Variants in NLGN1 observed in about 807,000 individuals in gnomAD.
The protein encoded by NLGN1 is neuroligin 1, also known as neuroligin-1.
NLGN1 carries 12 observed loss-of-function variants against 65.5 expected under a neutral mutation model. The observed-to-expected ratio is 0.18, with a 90% CI of 0.12 to 0.30. The LOEUF is 0.30. Ranked by LOEUF, NLGN1 falls within the 10% of genes least tolerant of loss-of-function variation. The pLI, the probability that NLGN1 is intolerant of heterozygous loss-of-function variation, is 1.00. For missense variants in NLGN1, 750 were observed against 1,007.1 expected (o/e 0.74, Z 3.46); for synonymous variants, 350 against 359.5 (o/e 0.97, Z 0.30).
chr3:173,650,314 T>G (rs750840910), intron 3 of NLGN1, among the ~76,000 whole-genome samples: 1 of 152,184 alleles, frequency 6.6e-6, no homozygotes, highest in Non-Finnish European at 1.5e-5. Flanking sequence ...ATGAATAAAC[T>G]CTTGCATAGA....
At chr3:174,183,795 C>T (rs1170056821) in intron 4 of NLGN1, among the ~76,000 whole-genome samples, 5 of 152,266 alleles carry the variant, frequency 3.3e-5, no homozygotes, top group Non-Finnish European at 7.3e-5. Flanking sequence ...TGTGTTAATA[C>T]TCCTTCTTTT....
rs1729486806 is a variant in NLGN1, at chr3:174,029,436, G to T, written c.646+221604G>T. The stretch of plus-strand genomic sequence containing the variant: ...TGTTTTGGCCAATTTCTCCTATTTG[G>T]AATGGGTGTATTTACCCAATGCCTG... On this transcript the variant is annotated intron_variant, in intron 4 of 6. Coordinates refer to ENST00000457714, the Ensembl canonical transcript of NLGN1. Among the ~76,000 whole-genome samples, 4 of 152,174 alleles carry T rather than the reference G, an allele frequency of 2.6e-5. No homozygotes were observed. The South Asian group carries it at 8.3e-4, about 32-fold the overall frequency.
intron 4 of NLGN1, among the ~76,000 whole-genome samples, chr3:173,899,404 C>T (rs2152167226): frequency 6.6e-6 from 1 of 152,114 alleles, no homozygotes; most frequent in Admixed American, 6.6e-5. Context: ...TTTAATGAAA[C>T]TTTATCATTG....
At chr3:174,122,621 A>T (rs931890784) in intron 4 of NLGN1, among the ~76,000 whole-genome samples, 7 of 152,116 alleles carry the variant, frequency 4.6e-5, no homozygotes, top group African/African-American at 1.7e-4. Flanking sequence ...CAGCCTCATG[A>T]TCATCATGTG....
chr3:173,841,157 A>ATT (rs1553866865), intron 4 of NLGN1, among the ~76,000 whole-genome samples: 1 of 151,770 alleles, frequency 6.6e-6, no homozygotes, highest in African/African-American at 2.4e-5. Context: ...TTATATATAT[A>ATT]TATATCCCAA....
chr3:173,732,842 A>G (rs1347565205), intron 3 of NLGN1, among the ~76,000 whole-genome samples: 2 of 152,090 alleles, frequency 1.3e-5, no homozygotes, highest in Non-Finnish European at 2.9e-5. Context: ...AAAACATATC[A>G]GTTTATTTTT....
At chr3:173,489,803 T>A (rs949699107) in intron 2 of NLGN1, among the ~76,000 whole-genome samples, 4 of 151,906 alleles carry the variant, frequency 2.6e-5, no homozygotes, top group Non-Finnish European at 5.9e-5. Context: ...GGTATCTCAT[T>A]GTGGTTTTGT....
At chr3:173,875,979 A>G (rs1294673257) in intron 4 of NLGN1, among the ~76,000 whole-genome samples, 1 of 152,116 alleles carries the variant, frequency 6.6e-6, no homozygotes, top group Non-Finnish European at 1.5e-5. Flanking sequence ...AAAGCTTAAC[A>G]TGTGCCTTAA....
At chr3:173,428,795 A>G (rs1050057164) in intron 1 of NLGN1, among the ~76,000 whole-genome samples, 2 of 152,044 alleles carry the variant, frequency 1.3e-5, no homozygotes, top group African/African-American at 4.8e-5. Context: ...TTCATATTGA[A>G]TAACTCCCTT....
At chr3:174,149,808 A>G (rs1723997501) in intron 4 of NLGN1, among the ~76,000 whole-genome samples, 1 of 152,144 alleles carries the variant, frequency 6.6e-6, no homozygotes, top group African/African-American at 2.4e-5. Context: ...TAAGCACATC[A>G]CTGAGGTTGG....
At chr3:173,924,622 C>CAAAAAAA (rs538515565) in intron 4 of NLGN1, among the ~76,000 whole-genome samples, 1 of 128,676 alleles carries the variant, frequency 7.8e-6, no homozygotes, top group African/African-American at 2.9e-5. Context: ...AACCCTGTCT[C>CAAAAAAA]AAAAAAAAAA....
At chr3:173,895,760 G>A (rs893425998) in intron 4 of NLGN1, among the ~76,000 whole-genome samples, 2 of 151,646 alleles carry the variant, frequency 1.3e-5, no homozygotes, top group African/African-American at 2.4e-5. Flanking sequence ...GCATGATCTC[G>A]GCTCACTACA....
chr3:173,908,690 G>A (rs1738946084), intron 4 of NLGN1, among the ~76,000 whole-genome samples: 2 of 151,788 alleles, frequency 1.3e-5, no homozygotes, highest in African/African-American at 2.4e-5. Context: ...GCAAACTCAG[G>A]GGCAATTAAT....
intron 4 of NLGN1, among the ~76,000 whole-genome samples, chr3:173,962,807 A>C (rs548307021): frequency 1.3e-5 from 2 of 152,274 alleles, no homozygotes; most frequent in South Asian, 4.1e-4. Flanking sequence ...TAAAATTTTG[A>C]AAGTTGATGC....
intron 4 of NLGN1, among the ~76,000 whole-genome samples, chr3:174,254,306 ATTT>A (rs371427726): frequency 1.7e-4 from 19 of 113,774 alleles, no homozygotes; most frequent in South Asian, 6.4e-4. Flanking sequence ...GTCCTTTTTA[ATTT>A]TTTTTTTTTT....
intron 3 of NLGN1, among the ~76,000 whole-genome samples, chr3:173,759,082 C>T (rs977136959): frequency 6.6e-6 from 1 of 151,884 alleles, no homozygotes; most frequent in Non-Finnish European, 1.5e-5. Context: ...CCCTTTCTCA[C>T]CACCTTCTTT....
intron 4 of NLGN1, among the ~76,000 whole-genome samples, chr3:173,821,900 A>T (rs960765867): frequency 2.0e-5 from 3 of 152,188 alleles, no homozygotes; most frequent in Admixed American, 2.0e-4. Context: ...GAGCATATAC[A>T]ATAACATTAT....
chr3:173,842,191 A>G (rs2150681661), intron 4 of NLGN1, among the ~76,000 whole-genome samples: 1 of 152,210 alleles, frequency 6.6e-6, no homozygotes, highest in East Asian at 1.9e-4. Context: ...TTTCACAAGA[A>G]CAGTGCAGAA....
At chr3:173,402,061 A>G (rs1717796675) in intron 1 of NLGN1, among the ~76,000 whole-genome samples, 1 of 152,178 alleles carries the variant, frequency 6.6e-6, no homozygotes, top group South Asian at 2.1e-4. Flanking sequence ...CATGTGAGAG[A>G]TGTCAAAGGA....
Sources: gnomAD v4.1 joint callset for allele counts (sites outside exome capture counted in the v4.1 genomes callset) on GRCh38, gnomAD v4.1.1 for gene constraint, MANE v1.5 for transcripts, NCBI Gene and HGNC (gene_info 2026-07-23, HGNC 2026-07-21) for gene names.